The following GPATCH11 variants were observed in gnomAD, a reference collection of about 807,000 sequenced individuals.
GPATCH11 encodes G-patch domain containing 11, also known as G patch domain-containing protein 11.
In GPATCH11, 32 loss-of-function variants were observed where a neutral mutation model predicts 44.8. The ratio of observed to expected loss-of-function variants is 0.71; its 90% confidence interval spans 0.54 to 0.96. The LOEUF is 0.96. Ranked by LOEUF, GPATCH11 falls within the 40% of genes least tolerant of loss-of-function variation. The pLI, the probability that GPATCH11 is intolerant of heterozygous loss-of-function variation, is 0.00. For missense variants in GPATCH11, 324 were observed against 303.1 expected (o/e 1.07, Z -0.51); for synonymous variants, 84 against 94.4 (o/e 0.89, Z 0.64).
chr2:37,089,356 C>G (rs750509729), intron 2 of GPATCH11, among the ~76,000 whole-genome samples: 1 of 152,132 alleles, frequency 6.6e-6, no homozygotes, highest in Non-Finnish European at 1.5e-5. Context: ...CACCTGGAGT[C>G]AGGAGTTCAA....
rs565766302 is a variant in GPATCH11, at chr2:37,087,085, C to A, written c.-13-1284C>A. ...TCCACAGCCCAGCTTCACATTCTCCCAGTTCAGAAACACCCATAAAAGACC... is the reference window on the plus strand; with the variant it reads ...TCCACAGCCCAGCTTCACATTCTCCAAGTTCAGAAACACCCATAAAAGACC... On this transcript the variant is annotated intron_variant, in intron 1 of 8. Transcript: ENST00000674370. Among the ~76,000 whole-genome samples the A allele has an allele frequency of 3.2e-4, 48 of 152,342 alleles. No homozygotes were observed. The South Asian group carries it at 9.7e-3, about 31-fold the overall frequency.
intron 6 of GPATCH11, 40 bp from the exon 7 acceptor site, chr2:37,094,042 T>G (rs746852847): frequency 5.4e-6 from 6 of 1,108,074 alleles, no homozygotes; most frequent in African/African-American, 1.5e-5. Context: ...CATGCTCTTA[T>G]GTTTAGTATG....
At chr2:37,084,832 T>TATG (rs377651666) in intron 1 of GPATCH11, among the ~76,000 whole-genome samples, 22 of 152,246 alleles carry the variant, frequency 1.4e-4, no homozygotes, top group African/African-American at 5.1e-4. Flanking sequence ...GGACTCTCAA[T>TATG]ATGTCTGTTT....
intron 2 of GPATCH11, among the ~76,000 whole-genome samples, chr2:37,089,256 G>A (rs1241817146): frequency 6.6e-6 from 1 of 152,172 alleles, no homozygotes; most frequent in African/African-American, 2.4e-5. Context: ...GTTGTCAGGT[G>A]AGTAAGTGAC....
chr2:37,098,567 C>A lies in GPATCH11; in HGVS notation c.*2304C>A, dbSNP rs1287735534. On this transcript the variant is annotated 3_prime_UTR_variant, in exon 9 of 9. Transcript: ENST00000674370. ...TTCTCCTGTTACTATGAGGACAACC[C>A]ACACCTGCTCAGTGGCCTAAAATAT... The A allele has an allele frequency of 6.6e-6, 1 of 152,034 alleles. No homozygotes were observed. Among genetic ancestry groups the A allele is most frequent in the Non-Finnish European group, 1.5e-5 (1 of 68,010 alleles). 9.4% of individuals were successfully genotyped at this position (152,034 alleles called of 1,614,324 possible).
chr2:37,088,405 AGAG>A lies in GPATCH11; in HGVS notation c.27_29del (p.Glu9del), dbSNP rs773030818. On this transcript the variant is annotated inframe_deletion, in exon 2 of 9. Coordinates refer to ENST00000674370, the MANE Select transcript of GPATCH11 (RefSeq NM_174931.4). ...ATATGAAGTTGAACATGGCAGAAGA[AGAG>A]GACTATATGTCTGATTCCTTCATTA... 6.3e-7 allele frequency: 1 copy of A among 1,575,632 alleles called. No homozygotes were observed. Among genetic ancestry groups the A allele is most frequent in the Non-Finnish European group, 8.7e-7 (1 of 1,151,036 alleles).
chr2:37,089,876 A>G lies in GPATCH11; in HGVS notation c.286+10A>G. On this transcript the variant is annotated intron_variant, in intron 3 of 8. Coordinates refer to ENST00000674370, the MANE Select transcript of GPATCH11 (RefSeq NM_174931.4). ...GCACTTGGCAAGAGTGGTAAGTCACATGTGGAAATAAACAGGTATTCCTTA... is the reference window on the plus strand; with the variant it reads ...GCACTTGGCAAGAGTGGTAAGTCACGTGTGGAAATAAACAGGTATTCCTTA... 1 of 1,533,772 alleles carries G rather than the reference A, an allele frequency of 6.5e-7. No homozygotes were observed.
intron 8 of GPATCH11, among the ~76,000 whole-genome samples, chr2:37,095,930 T>G (rs966366973): frequency 6.6e-6 from 1 of 152,208 alleles, no homozygotes; most frequent in African/African-American, 2.4e-5. Flanking sequence ...CCTTTTTTTT[T>G]CCATTGTAAG....
chr2:37,095,641 C>G (rs929064119), intron 8 of GPATCH11, 123 bp downstream of exon 8: 1 of 1,050,212 alleles, frequency 9.5e-7, no homozygotes, highest in African/African-American at 1.7e-5. Flanking sequence ...GGACCAATTT[C>G]TTAAATAGTG....
chr2:37,087,242 T>G (rs1673093784), intron 1 of GPATCH11, among the ~76,000 whole-genome samples: 2 of 152,200 alleles, frequency 1.3e-5, no homozygotes, highest in Admixed American at 1.3e-4. Context: ...CAAGGAAATA[T>G]GGGATACTGA....
Position 37,091,961 on chromosome 2 carries a change from AG to A in GPATCH11, c.376del (p.Glu126LysfsTer12). The A allele has an allele frequency of 6.2e-7, 1 of 1,613,302 alleles. No individual in the cohort carries two copies. Among genetic ancestry groups the A allele is most frequent in the South Asian group, 1.1e-5 (1 of 91,048 alleles). ...GHEASLKRKA[E>X]EKLESYRKKI... ...GAGGCATCATTAAAACGGAAAGCAG[AG>A]GAAAAATTGGAAAGCTACAGAAAAA... On this transcript the variant is annotated frameshift_variant, in exon 5 of 9. Coordinates refer to ENST00000674370, the MANE Select transcript of GPATCH11 (RefSeq NM_174931.4). LOFTEE classifies it high-confidence loss of function.
Position 37,096,489 on chromosome 2 carries a change from T to C in GPATCH11, c.*226T>C, listed in dbSNP as rs1673591904. Reference sequence around the variant, plus strand: ...CACAGAGATGGACAGTTACAATTTATTGCTATATTGTGATACGTGAGGGGT... The same window carrying C: ...CACAGAGATGGACAGTTACAATTTACTGCTATATTGTGATACGTGAGGGGT... On this transcript the variant is annotated 3_prime_UTR_variant, in exon 9 of 9. Transcript: ENST00000674370. The C allele has an allele frequency of 4.1e-6, 2 of 493,316 alleles. No homozygotes were observed. Among genetic ancestry groups the C allele is most frequent in the African/African-American group, 2.0e-5 (1 of 49,554 alleles). 30.6% of individuals were successfully genotyped at this position (493,316 alleles called of 1,614,324 possible).
At chr2:37,095,225 T>C (rs982442971) in intron 7 of GPATCH11, among the ~76,000 whole-genome samples, 1 of 152,184 alleles carries the variant, frequency 6.6e-6, no homozygotes, top group Non-Finnish European at 1.5e-5. Flanking sequence ...ACAAGCAGTC[T>C]CCATTGTGTC....
intron 8 of GPATCH11, 79 bp downstream of exon 8, chr2:37,095,597 T>A: frequency 7.2e-7 from 1 of 1,393,298 alleles, no homozygotes. Flanking sequence ...CCACTGACAA[T>A]GGAAATTTCT....
chr2:37,094,048 G>T (rs761333310), intron 6 of GPATCH11, 34 bp from the exon 7 acceptor site: 36 of 1,168,762 alleles, frequency 3.1e-5, no homozygotes, highest in Non-Finnish European at 4.2e-5. Flanking sequence ...CTTATGTTTA[G>T]TATGTTTAAT....
intron 3 of GPATCH11, 51 bp from the exon 4 acceptor site, chr2:37,090,630 C>A (rs1673270550): frequency 3.0e-6 from 3 of 1,004,350 alleles, no homozygotes; most frequent in Non-Finnish European, 4.6e-6. Flanking sequence ...TTATACTGTT[C>A]TGTAGTTTGA....
At chr2:37,091,769 C>A in intron 4 of GPATCH11, 147 bp from the exon 5 acceptor site, 1 of 568,562 alleles carries the variant, frequency 1.8e-6, no homozygotes. Flanking sequence ...AAAAAAAACC[C>A]TAGTGTTTTC....
intron 3 of GPATCH11, among the ~76,000 whole-genome samples, chr2:37,090,389 T>A (rs751644916): frequency 3.9e-5 from 6 of 152,216 alleles, no homozygotes; most frequent in Non-Finnish European, 7.3e-5. Flanking sequence ...ATTGCTTTGC[T>A]TTCACTTAAG....
intron 6 of GPATCH11, among the ~76,000 whole-genome samples, chr2:37,092,489 TTA>T (rs147701297): frequency 0.25 from 35,642 of 143,708 alleles, 5,274 homozygotes; most frequent in Middle Eastern, 0.38. Flanking sequence ...AATATATATA[TTA>T]TATATATATA....
Sources: gnomAD v4.1 joint callset for allele counts (sites outside exome capture counted in the v4.1 genomes callset) on GRCh38, gnomAD v4.1.1 for gene constraint, MANE v1.5 for transcripts, NCBI Gene and HGNC (gene_info 2026-07-23, HGNC 2026-07-21) for gene names.